NARS2: variants seen among roughly 807,000 people sequenced by gnomAD.
NARS2 encodes asparaginyl-tRNA synthetase 2, mitochondrial.
Under a neutral mutation model 62.9 loss-of-function variants are expected in NARS2, and 60 were observed. That is an observed-to-expected ratio of 0.95 (90% CI 0.77 to 1.18). The LOEUF (loss-of-function observed/expected upper bound fraction) is 1.18, where lower values mean the gene tolerates loss of function less well. Ranked by LOEUF, NARS2 falls within the 50% of genes most tolerant of loss-of-function variation. NARS2 has a pLI of 0.00. For missense variants in NARS2, 619 were observed against 576.4 expected (o/e 1.07, Z -0.76); for synonymous variants, 196 against 200.0 (o/e 0.98, Z 0.17).
chr11:78,549,407 C>A (rs941626910), intron 5 of NARS2, among the ~76,000 whole-genome samples: 2 of 152,184 alleles, frequency 1.3e-5, no homozygotes, highest in Non-Finnish European at 2.9e-5. Context: ...AATCTTTACC[C>A]AAAGGAACTG....
chr11:78,475,866 G>C (rs964815115), intron 9 of NARS2, among the ~76,000 whole-genome samples: 1 of 152,070 alleles, frequency 6.6e-6, no homozygotes, highest in African/African-American at 2.4e-5. Flanking sequence ...CTCCCAAAGT[G>C]CTGAGACTAC....
At chr11:78,451,770 T>G (rs911742499) in intron 11 of NARS2, among the ~76,000 whole-genome samples, 1 of 152,230 alleles carries the variant, frequency 6.6e-6, no homozygotes, top group Admixed American at 6.5e-5. Flanking sequence ...AATAATCATA[T>G]AGACCATGGT....
intron 5 of NARS2, among the ~76,000 whole-genome samples, chr11:78,530,776 A>G (rs541010592): frequency 6.6e-6 from 1 of 152,240 alleles, no homozygotes; most frequent in South Asian, 2.1e-4. Flanking sequence ...CTATGACTAG[A>G]TTTTAGATTT....
chr11:78,568,751 C>A lies in NARS2; in HGVS notation c.253G>T (p.Glu85Ter), dbSNP rs764120054. 12 of 1,596,060 alleles carry A rather than the reference C, an allele frequency of 7.5e-6. No individual in the cohort carries two copies. The highest frequency in any genetic ancestry group is 1.0e-5 in the Non-Finnish European group (12 of 1,168,914). The change falls in exon 3 of 14, where the codon GAA becomes TAA. Residue 85 changes from glutamate to a stop codon, truncating the protein, a stop_gained and splice_region_variant. Transcript: ENST00000281038. LOFTEE classifies it high-confidence loss of function. ...TCCACAGAACTCCCAAAATTTAATT[C>A]TCTATAGTAACAAAAAACAAGATAA... Reference protein sequence around the residue: ...VVADSGLDSRELNFGSSVEVQ... With the variant: ...VVADSGLDSR
intron 6 of NARS2, among the ~76,000 whole-genome samples, chr11:78,502,010 T>A (rs1159625208): frequency 6.6e-6 from 1 of 152,158 alleles, no homozygotes; most frequent in Non-Finnish European, 1.5e-5. Context: ...AAAAAAGAAA[T>A]ACTGATATAT....
intron 11 of NARS2, among the ~76,000 whole-genome samples, chr11:78,452,088 T>G (rs1014729447): frequency 6.6e-6 from 1 of 152,134 alleles, no homozygotes. Flanking sequence ...CAACTATGAT[T>G]CTTTTTTTAA....
chr11:78,441,768 A>G (rs1458589536), intron 12 of NARS2, among the ~76,000 whole-genome samples: 1 of 152,122 alleles, frequency 6.6e-6, no homozygotes, highest in African/African-American at 2.4e-5. Context: ...GTTGGGAGGC[A>G]CACACAGACA....
intron 11 of NARS2, among the ~76,000 whole-genome samples, chr11:78,465,623 T>C (rs952730506): frequency 6.6e-5 from 10 of 152,180 alleles, no homozygotes; most frequent in African/African-American, 2.4e-4. Context: ...AAATGAAACA[T>C]AACAAAACGA....
chr11:78,568,788 T>C (rs1856824973), intron 2 of NARS2, 36 bp from the exon 3 acceptor site: 6 of 1,498,886 alleles, frequency 4.0e-6, no homozygotes, highest in Non-Finnish European at 4.6e-6. Context: ...CAAGATATCA[T>C]TATATACAAC....
intron 11 of NARS2, among the ~76,000 whole-genome samples, chr11:78,451,462 T>C (rs1278511149): frequency 6.6e-6 from 1 of 152,194 alleles, no homozygotes; most frequent in Non-Finnish European, 1.5e-5. Flanking sequence ...AAAAACTTGA[T>C]TGTGTGTTTC....
In NARS2 at chr11:78,574,438, G is replaced by C. The variant is rs768401106; in HGVS notation, c.51C>G (p.Ala17=). 30 of 1,614,132 alleles carry C rather than the reference G, an allele frequency of 1.9e-5. No homozygotes were observed. Among genetic ancestry groups the C allele is most frequent in the Non-Finnish European group, 2.5e-5 (29 of 1,180,026 alleles). Residue 17 remains alanine, a synonymous_variant, in exon 1 of 14, where the codon GCC becomes GCG. Transcript: ENST00000281038. ...CTGAAGGTTTGTGCTTGGGGAAGGG[G>C]GCGGAGGAACAGAAGCGCACGGACC... The part of the protein sequence containing the change: ...LLRSVRFCSS[A]PFPKHKPSAK...
intron 9 of NARS2, among the ~76,000 whole-genome samples, chr11:78,469,528 G>A (rs1858777185): frequency 6.6e-6 from 1 of 152,188 alleles, no homozygotes; most frequent in Non-Finnish European, 1.5e-5. Context: ...AATATACACA[G>A]TGAAGCTAGT....
intron 6 of NARS2, among the ~76,000 whole-genome samples, chr11:78,519,616 T>G (rs1017453306): frequency 2.6e-5 from 4 of 152,096 alleles, no homozygotes; most frequent in Non-Finnish European, 4.4e-5. Flanking sequence ...TTAATAGCTG[T>G]ACAGTAATCC....
chr11:78,472,589 T>C (rs539743247), intron 9 of NARS2, among the ~76,000 whole-genome samples: 2 of 152,196 alleles, frequency 1.3e-5, no homozygotes, highest in African/African-American at 4.8e-5. Context: ...AAACAGCACA[T>C]TTTCATATAA....
intron 6 of NARS2, among the ~76,000 whole-genome samples, chr11:78,511,822 GTTGA>G (rs1251561466): frequency 6.6e-6 from 1 of 151,956 alleles, no homozygotes; most frequent in Non-Finnish European, 1.5e-5. Flanking sequence ...CCTCAATAAA[GTTGA>G]TTAAGAAACA....
At chr11:78,450,852 T>G (rs1857948003) in intron 11 of NARS2, among the ~76,000 whole-genome samples, 1 of 151,786 alleles carries the variant, frequency 6.6e-6, no homozygotes, top group South Asian at 2.1e-4. Context: ...TTTTTATACC[T>G]AATTTTTGTA....
chr11:78,544,786 T>G (rs1416688495), intron 5 of NARS2, among the ~76,000 whole-genome samples: 1 of 94,606 alleles, frequency 1.1e-5, no homozygotes, highest in Admixed American at 1.7e-4. Flanking sequence ...AGAGCGAGAC[T>G]CCGTCTCACA....
chr11:78,559,742 C>A, intron 4 of NARS2, 123 bp from the exon 5 acceptor site: 1 of 634,904 alleles, frequency 1.6e-6, no homozygotes, highest in East Asian at 2.7e-5. Context: ...TCCCTAATCC[C>A]CTAAATATTA....
chr11:78,538,158 T>C (rs1330848417), intron 5 of NARS2, among the ~76,000 whole-genome samples: 1 of 152,166 alleles, frequency 6.6e-6, no homozygotes, highest in Non-Finnish European at 1.5e-5. Context: ...CCTGGTCCAC[T>C]GATGTCACAC....
Sources: gnomAD v4.1 joint callset for allele counts (sites outside exome capture counted in the v4.1 genomes callset) on GRCh38, gnomAD v4.1.1 for gene constraint, MANE v1.5 for transcripts, NCBI Gene and HGNC (gene_info 2026-07-23, HGNC 2026-07-21) for gene names.